Variants in NEDD4L observed in about 807,000 individuals in gnomAD.
The protein encoded by NEDD4L is E3 ubiquitin-protein ligase NEDD4-like.
In NEDD4L, 54 loss-of-function variants were observed where a neutral mutation model predicts 148.9. That is an observed-to-expected ratio of 0.36 (90% CI 0.29 to 0.45). The LOEUF is 0.45. Ranked by LOEUF, NEDD4L falls within the 20% of genes least tolerant of loss-of-function variation. NEDD4L has a pLI of 1.00. For synonymous variants in NEDD4L, 433 were observed against 440.7 expected, an observed-to-expected ratio of 0.98 and a Z score of 0.22; for missense variants, 856 against 1,233.8, an observed-to-expected ratio of 0.69 and a Z score of 4.59.
At chr18:58,238,522 T>G (rs1329311795) in intron 2 of NEDD4L, among the ~76,000 whole-genome samples, 1 of 152,212 alleles carries the variant, frequency 6.6e-6, no homozygotes, top group Non-Finnish European at 1.5e-5. Context: ...TATTAACATT[T>G]TAGCCTAACA....
chr18:58,126,440 C>G (rs1163795042), intron 1 of NEDD4L, among the ~76,000 whole-genome samples: 1 of 151,914 alleles, frequency 6.6e-6, no homozygotes, highest in Non-Finnish European at 1.5e-5. Context: ...ACGGCCCATC[C>G]CGTGTGATAG....
chr18:58,209,140 A>G lies in NEDD4L; in HGVS notation c.123-36287A>G, dbSNP rs1423909971. ...AGATTATAGTTCAAACTCGGCCTGC[A>G]CTCAGGAAATGGAAGCAATTCCTCC... On this transcript the variant is annotated intron_variant, in intron 2 of 30. Coordinates refer to ENST00000400345, the MANE Select transcript of NEDD4L (RefSeq NM_001144967.3). 4.8e-5 allele frequency among the ~76,000 whole-genome samples: 7 copies of G among 146,366 alleles called. No individual in the cohort carries two copies. In the East Asian group the frequency reaches 1.0e-3, roughly 21 times the overall value.
intron 1 of NEDD4L, among the ~76,000 whole-genome samples, chr18:58,068,726 G>A (rs1021771346): frequency 6.6e-6 from 1 of 152,204 alleles, no homozygotes; most frequent in Admixed American, 6.5e-5. Context: ...GGAGACATAG[G>A]AGAGGCTTGA....
intron 5 of NEDD4L, among the ~76,000 whole-genome samples, chr18:58,254,500 T>C (rs1189935535): frequency 6.8e-6 from 1 of 147,660 alleles, no homozygotes; most frequent in African/African-American, 2.5e-5. Context: ...GACTTCTTAC[T>C]GGAAAACAGT....
Position 58,366,649 on chromosome 18 carries a change from G to C in NEDD4L, c.2063+421G>C, listed in dbSNP as rs2046145793. 6.4e-6 allele frequency: 1 copy of C among 155,094 alleles called. No individual in the cohort carries two copies. Among genetic ancestry groups the C allele is most frequent in the African/African-American group, 2.4e-5 (1 of 41,548 alleles). The allele number at this position is 155,094 out of a possible 1,614,324, so 9.6% of individuals were successfully genotyped here. On this transcript the variant is annotated intron_variant, in intron 21 of 30. Coordinates refer to ENST00000400345, the MANE Select transcript of NEDD4L (RefSeq NM_001144967.3). The surrounding 1 kb of genome is among the most constrained non-coding windows in gnomAD (Gnocchi z 4.2). ...AAGGACTTTGAGGACCTAGGACCATGCCCTGCTCCTGTAAGGAAAGAACCA... is the reference window on the plus strand; with the variant it reads ...AAGGACTTTGAGGACCTAGGACCATCCCCTGCTCCTGTAAGGAAAGAACCA...
chr18:58,383,631 G>A (rs994387074), intron 25 of NEDD4L, among the ~76,000 whole-genome samples: 15 of 152,264 alleles, frequency 9.9e-5, no homozygotes, highest in South Asian at 2.1e-4. Flanking sequence ...GAATTGCAAC[G>A]GAGAACCACG....
intron 2 of NEDD4L, among the ~76,000 whole-genome samples, chr18:58,179,827 C>A (rs2038630571): frequency 6.6e-6 from 1 of 152,064 alleles, no homozygotes. Context: ...ATAATTATTT[C>A]ATCATCTATT....
chr18:58,308,533 C>G (rs955468248), intron 5 of NEDD4L, among the ~76,000 whole-genome samples: 9 of 152,206 alleles, frequency 5.9e-5, no homozygotes, highest in African/African-American at 2.2e-4. Flanking sequence ...CAGTCGTTTC[C>G]CCTAGATCTG....
At chr18:58,101,462 C>A (rs2084748756) in intron 1 of NEDD4L, among the ~76,000 whole-genome samples, 1 of 151,964 alleles carries the variant, frequency 6.6e-6, no homozygotes, top group Non-Finnish European at 1.5e-5. Flanking sequence ...GTCTGGAGTG[C>A]CTGGTCATGG....
chr18:58,394,404 C>A (rs2050216400), intron 30 of NEDD4L, among the ~76,000 whole-genome samples: 2 of 152,194 alleles, frequency 1.3e-5, no homozygotes, highest in Admixed American at 1.3e-4. Flanking sequence ...AATCTGTGCA[C>A]CTTTTTTAAA....
At chr18:58,221,417 A>T (rs1334532875) in intron 2 of NEDD4L, 1 of 277,144 alleles carries the variant, frequency 3.6e-6, no homozygotes, top group Non-Finnish European at 5.5e-6. Context: ...CCGGGTGATG[A>T]TGTAAGCTAA....
intron 2 of NEDD4L, among the ~76,000 whole-genome samples, chr18:58,229,763 G>T (rs898842086): frequency 3.9e-5 from 6 of 152,224 alleles, no homozygotes; most frequent in Admixed American, 1.3e-4. Context: ...AGGCCGAGGC[G>T]GGCGGATCGT....
At chr18:58,044,846 A>G in intron 1 of NEDD4L, 138 bp downstream of exon 1, 2 of 1,068,582 alleles carry the variant, frequency 1.9e-6, no homozygotes, top group Non-Finnish European at 2.6e-6. Context: ...AGCGCCCCGG[A>G]GCGGGATCCA....
chr18:58,078,476 C>T (rs945333174), intron 1 of NEDD4L, among the ~76,000 whole-genome samples: 1 of 152,198 alleles, frequency 6.6e-6, no homozygotes, highest in Admixed American at 6.5e-5. Context: ...GAGGGGGGAC[C>T]GCTGAGGGCT....
intron 2 of NEDD4L, among the ~76,000 whole-genome samples, chr18:58,180,629 T>C (rs2038755908): frequency 6.6e-6 from 1 of 152,252 alleles, no homozygotes; most frequent in Non-Finnish European, 1.5e-5. Context: ...CATATTTTCA[T>C]TACCCTTGCA....
intron 24 of NEDD4L, among the ~76,000 whole-genome samples, chr18:58,373,599 C>T (rs906314505): frequency 3.3e-5 from 5 of 152,196 alleles, no homozygotes; most frequent in African/African-American, 1.2e-4. Flanking sequence ...AGATTGTTGA[C>T]TTAGCGATGT....
At position 58,256,499 on chromosome 18, in the gene NEDD4L, C is replaced by T. The variant is rs2048588074; in HGVS notation, c.297+4445C>T. On this transcript the variant is annotated intron_variant, in intron 5 of 30. Transcript: ENST00000400345. This position sits in a 1 kb window ranked among gnomAD's most constrained non-coding sequence, Gnocchi z 5.2. ...TCGGCTGGAGAGGAGCACCTCGTAC[C>T]CCACGCAGCCCCGAAGCGAGCGAGG... is the stretch of plus-strand genomic sequence containing the variant. The T allele has an allele frequency of 8.1e-7, 1 of 1,232,240 alleles. No individual in the cohort carries two copies. The allele number at this position is 1,232,240 out of a possible 1,614,324, so 76.3% of individuals were successfully genotyped here. A position where few individuals can be genotyped will look rare whatever the true frequency, so the allele number is the denominator to read the frequency against.
At chr18:58,178,835 G>C (rs2038480392) in intron 2 of NEDD4L, among the ~76,000 whole-genome samples, 2 of 152,188 alleles carry the variant, frequency 1.3e-5, no homozygotes. Context: ...ATTGATCATT[G>C]TTTTAAGCTT....
intron 5 of NEDD4L, 136 bp from the exon 6 acceptor site, chr18:58,315,846 C>T: frequency 1.2e-6 from 1 of 802,806 alleles, no homozygotes; most frequent in Non-Finnish European, 2.2e-6. Flanking sequence ...ACTCGTGTCT[C>T]CTCGGGGCCT....
Sources: allele counts gnomAD v4.1 joint callset (sites outside exome capture counted in the v4.1 genomes callset), GRCh38; gene constraint gnomAD v4.1.1; non-coding constraint Gnocchi (gnomAD v3.1); transcripts MANE v1.5; gene names NCBI Gene and HGNC (gene_info 2026-07-23, HGNC 2026-07-21).